Variants in HOMER2 observed in about 807,000 individuals in gnomAD.
HOMER2 encodes the protein homer scaffold protein 2.
HOMER2 carries 27 observed loss-of-function variants against 47.0 expected under a neutral mutation model. The observed-to-expected ratio is 0.57, with a 90% CI of 0.42 to 0.79. HOMER2 has a LOEUF of 0.79. Ranked by LOEUF, HOMER2 falls within the 30% of genes least tolerant of loss-of-function variation. HOMER2 has a pLI of 0.00. For synonymous variants in HOMER2, 161 were observed against 163.8 expected (o/e 0.98, Z 0.13); for missense variants, 443 against 435.0 (o/e 1.02, Z -0.16).
rs1469012759 is a variant in HOMER2, at chr15:82,859,090, C to T, written c.433G>A (p.Gly145Ser). The change falls in exon 5 of 9, where the codon GGT becomes AGT. Residue 145 changes from glycine (G) to serine (S), a missense_variant. Physicochemically the swap from Gly to Ser is moderately conservative, Grantham distance 56. Coordinates refer to ENST00000450735, the MANE Select transcript of HOMER2 (RefSeq NM_004839.4). ...GACTTCAGGTGTGTGTTGGCTGGAC[C>T]GGCGTGAGAGGCCTTTTCATCGTCC... Reference protein sequence around the residue: ...GTDDEKASHAGPANTHLKSEN... With the variant: ...GTDDEKASHASPANTHLKSEN... 3.7e-5 allele frequency: 60 copies of T among 1,613,840 alleles called. No individual in the cohort carries two copies. Among genetic ancestry groups the T allele is most frequent in the Non-Finnish European group, 4.7e-5 (55 of 1,179,864 alleles).
At chr15:82,848,950 G>C (rs1008978735), downstream of HOMER2, 1 of 152,190 alleles carries the variant, frequency 6.6e-6, no homozygotes, top group African/African-American at 2.4e-5. Context: ...TCTGCTGTGG[G>C]GTTTGATTAA....
At chr15:82,879,444 C>T (rs1317432966) in intron 2 of HOMER2, among the ~76,000 whole-genome samples, 2 of 152,150 alleles carry the variant, frequency 1.3e-5, no homozygotes, top group Non-Finnish European at 2.9e-5. Context: ...CTGCAGTGAG[C>T]CGTGATCGTG....
intron 2 of HOMER2, among the ~76,000 whole-genome samples, chr15:82,878,711 TCGA>T (rs2052430851): frequency 1.3e-5 from 2 of 152,196 alleles, no homozygotes; most frequent in Non-Finnish European, 2.9e-5. Flanking sequence ...CACTGCAGCC[TCGA>T]CCTCCTGGGC....
exon 2 of HOMER2, chr15:82,959,111 A>G (rs1210814124): frequency 1.3e-5 from 2 of 152,336 alleles, no homozygotes; most frequent in African/African-American, 2.4e-5. Context: ...AGTCTAGCAA[A>G]TTCCCAAACA....
intron 1 of HOMER2, among the ~76,000 whole-genome samples, chr15:82,960,637 A>G (rs1224072751): frequency 6.6e-6 from 1 of 152,222 alleles, no homozygotes; most frequent in Non-Finnish European, 1.5e-5. Context: ...AATAGAAACA[A>G]GTGGGTTTTC....
chr15:82,972,965 G>A (rs1383236281), intron 1 of HOMER2, among the ~76,000 whole-genome samples: 1 of 152,104 alleles, frequency 6.6e-6, no homozygotes, highest in African/African-American at 2.4e-5. Context: ...CCTCCATGAG[G>A]TACAAAAGAG....
chr15:82,854,940 G>A (rs2051524501), intron 5 of HOMER2, 140 bp from the exon 6 acceptor site: 1 of 951,084 alleles, frequency 1.1e-6, no homozygotes, highest in Non-Finnish European at 1.5e-6. Context: ...CTGGCAGGTG[G>A]GTCTGGCTAC....
intron 1 of HOMER2, among the ~76,000 whole-genome samples, chr15:82,978,327 C>A (rs941175961): frequency 1.3e-5 from 2 of 152,134 alleles, no homozygotes; most frequent in African/African-American, 2.4e-5. Flanking sequence ...CAATTCCTCA[C>A]AGGAATTCAC....
At chr15:82,915,321 G>GA (rs1193374999) in intron 1 of HOMER2, among the ~76,000 whole-genome samples, 2 of 151,852 alleles carry the variant, frequency 1.3e-5, no homozygotes, top group East Asian at 1.9e-4. Flanking sequence ...TAGAAGACTG[G>GA]AAAAAAACCC....
At chr15:82,876,470 G>C (rs1045788295) in intron 2 of HOMER2, among the ~76,000 whole-genome samples, 1 of 152,196 alleles carries the variant, frequency 6.6e-6, no homozygotes, top group Non-Finnish European at 1.5e-5. Flanking sequence ...CAATTGATAA[G>C]GGTTATAAAA....
intron 1 of HOMER2, among the ~76,000 whole-genome samples, chr15:82,900,966 T>G (rs1218712079): frequency 6.6e-6 from 1 of 152,218 alleles, no homozygotes; most frequent in African/African-American, 2.4e-5. Context: ...CACCAGGGAA[T>G]GGATGAGGCA....
At position 82,861,224 on chromosome 15, in the gene HOMER2, T is replaced by C. The variant is rs560733069; in HGVS notation, c.388-2089A>G. 3.9e-5 allele frequency among the ~76,000 whole-genome samples: 6 copies of C among 152,260 alleles called. No homozygotes were observed. In the East Asian group the frequency reaches 1.2e-3, roughly 29 times the overall value. ...AACCCAATATCTCCATTTCAAGAAGTTATGCAGAAACCACCAAATGCACAA... is the reference window on the plus strand; with the variant it reads ...AACCCAATATCTCCATTTCAAGAAGCTATGCAGAAACCACCAAATGCACAA... On this transcript the variant is annotated intron_variant, in intron 4 of 8. Coordinates refer to ENST00000450735, the MANE Select transcript of HOMER2 (RefSeq NM_004839.4).
intron 2 of HOMER2, among the ~76,000 whole-genome samples, chr15:82,876,185 A>T (rs553947365): frequency 1.3e-5 from 2 of 152,328 alleles, no homozygotes; most frequent in East Asian, 3.9e-4. Context: ...TTGCCATTGG[A>T]TAAACCCAGC....
chr15:82,877,736 C>T (rs537102841), intron 2 of HOMER2, among the ~76,000 whole-genome samples: 1 of 152,278 alleles, frequency 6.6e-6, no homozygotes, highest in African/African-American at 2.4e-5. Context: ...CAATGTCCAT[C>T]TGAGTCAGGA....
At chr15:82,942,539 G>A (rs989368124) in intron 1 of HOMER2, among the ~76,000 whole-genome samples, 5 of 152,184 alleles carry the variant, frequency 3.3e-5, no homozygotes, top group African/African-American at 4.8e-5. Context: ...TAGAGCCACC[G>A]ATGTCCATCA....
chr15:82,945,806 T>G (rs530595528), intron 1 of HOMER2, among the ~76,000 whole-genome samples: 257 of 152,016 alleles, frequency 1.7e-3, no homozygotes, highest in Non-Finnish European at 2.2e-3. Flanking sequence ...CCATCTCTAC[T>G]AAAAATACAA....
At chr15:82,865,619 A>C (rs1041078453) in intron 3 of HOMER2, among the ~76,000 whole-genome samples, 4 of 152,222 alleles carry the variant, frequency 2.6e-5, no homozygotes, top group African/African-American at 7.2e-5. Flanking sequence ...ATGAGATAGG[A>C]TAAGCCCTAT....
intron 1 of HOMER2, among the ~76,000 whole-genome samples, chr15:82,933,854 C>T (rs1423189037): frequency 6.6e-6 from 1 of 152,156 alleles, no homozygotes; most frequent in African/African-American, 2.4e-5. Flanking sequence ...AAAGACCCGC[C>T]CCACTCCCCA....
intron 3 of HOMER2, among the ~76,000 whole-genome samples, chr15:82,872,496 C>T (rs1243870258): frequency 6.6e-6 from 1 of 152,216 alleles, no homozygotes. Flanking sequence ...AAAAATTCTA[C>T]CTAAAATGCA....
Sources: gnomAD v4.1 joint callset for allele counts (sites outside exome capture counted in the v4.1 genomes callset) on GRCh38, gnomAD v4.1.1 for gene constraint, MANE v1.5 for transcripts, NCBI Gene and HGNC (gene_info 2026-07-23, HGNC 2026-07-21) for gene names.